The following ABCA2 variants were observed in gnomAD, a reference collection of about 807,000 sequenced individuals.
ABCA2 encodes ATP binding cassette subfamily A member 2.
Under a neutral mutation model 262.8 loss-of-function variants are expected in ABCA2, and 84 were observed. That is an observed-to-expected ratio of 0.32 (90% CI 0.27 to 0.38). The LOEUF (loss-of-function observed/expected upper bound fraction) is 0.38. ABCA2 is among the 10% of genes least tolerant of loss of function. The probability of loss-of-function intolerance (pLI) is 1.00; values close to 1 mark genes in which losing one functional copy is unlikely to be tolerated. For synonymous variants in ABCA2, 1,696 were observed against 1,502.9 expected, an observed-to-expected ratio of 1.13 and a Z score of -2.97; for missense variants, 2,662 against 3,405.9, an observed-to-expected ratio of 0.78 and a Z score of 5.44.
Position 137,008,622 on chromosome 9 carries a change from C to G in ABCA2, c.7069G>C (p.Val2357Leu). ...TGCTTCTTGGCAAAGTTCACGAACA[C>G]CTGGTGGGTGGCGCAGGCGTGTGGG... is the stretch of plus-strand genomic sequence containing the variant. ...YSVSQTTLDN[V>L]FVNFAKKQSD... is the part of the protein sequence containing the mutation. Residue 2357 changes from valine (V) to leucine (L), a missense_variant and splice_region_variant, in exon 48 of 49, where the codon GTG becomes CTG. Coordinates refer to ENST00000341511, the MANE Select transcript of ABCA2 (RefSeq NM_001606.5). 2.5e-6 allele frequency: 4 copies of G among 1,599,368 alleles called. No homozygotes were observed. The highest frequency in any genetic ancestry group is 3.4e-6 in the Non-Finnish European group (4 of 1,173,686).
rs541088183 is a variant in ABCA2 at position 137,009,425 on chromosome 9, T to C, written c.6772A>G (p.Ile2258Val). Residue 2258 changes from isoleucine to valine, a missense_variant, in exon 45 of 49, where the codon ATC becomes GTC. Physicochemically the swap from Ile to Val is conservative, Grantham distance 29. This residue lies in a region of ABCA2 where 602 missense variants were observed against 897.4 expected (regional missense o/e 0.67). Coordinates refer to ENST00000341511, the MANE Select transcript of ABCA2 (RefSeq NM_001606.5). ...ECEALCTRLA[I>V]MVNGRLRCLG... ...CACCGCAGGCGACCGTTCACCATGA[T>C]GGCCAGCCGCGTGCACAGCGCCTCG... 1.7e-5 allele frequency: 27 copies of C among 1,598,526 alleles called. 1 individual carries two copies. The South Asian group carries it at 2.9e-4, about 17-fold the overall frequency.
In ABCA2 at chr9:137,011,479, A is replaced by T. The variant is rs765456150; in HGVS notation, c.5727T>A (p.Ile1909=). The T allele has an allele frequency of 1.6e-5, 25 of 1,609,524 alleles. No individual in the cohort carries two copies. The highest frequency in any genetic ancestry group is 2.0e-5 in the Non-Finnish European group (24 of 1,178,436). The stretch of plus-strand genomic sequence containing the variant: ...TGATGCCGATGAAGAGATTGATGAC[A>T]ATGAGGAACACGTAGGCGGAGCTGG... The part of the protein sequence containing the change: ...EVPSSAYVFL[I]VINLFIGITA... Residue 1909 remains isoleucine, a synonymous_variant, in exon 37 of 49, where the codon ATT becomes ATA. Coordinates refer to ENST00000341511, the MANE Select transcript of ABCA2 (RefSeq NM_001606.5). The surrounding 1 kb of genome is among the most constrained non-coding windows in gnomAD (Gnocchi z 8.8).
At position 137,008,036 on chromosome 9, in the gene ABCA2, T is replaced by A. The variant is rs982558019; in HGVS notation, c.7276-72A>T. ...CTGCTGGGGCTGAGGACACTTGTGC[T>A]GGCCCGCCCCGGCCCTCCTGCAGGC... On this transcript the variant is annotated intron_variant, in intron 48 of 48. Coordinates refer to ENST00000341511, the MANE Select transcript of ABCA2 (RefSeq NM_001606.5). 26 of 1,552,212 alleles carry A rather than the reference T, an allele frequency of 1.7e-5. No individual in the cohort carries two copies. The Admixed American group carries it at 2.5e-4, about 15-fold the overall frequency.
Position 137,016,996 on chromosome 9 carries a change from G to A in ABCA2, c.2682C>T (p.Leu894=). Reference sequence around the variant, plus strand: ...CCACCATCAGCATGGTGACAGCCAGGAGCAAGTTGAAGTCGTCCCCCTCCA... The same window carrying A: ...CCACCATCAGCATGGTGACAGCCAGAAGCAAGTTGAAGTCGTCCCCCTCCA... The part of the protein sequence containing the change: ...SPVEGDDFNL[L]LAVTMLMVDA... The change falls in exon 19 of 49, where the codon CTC becomes CTT. Residue 894 remains leucine (L), a synonymous_variant. Coordinates refer to ENST00000341511, the MANE Select transcript of ABCA2 (RefSeq NM_001606.5). The A allele has an allele frequency of 1.2e-6, 2 of 1,612,802 alleles. No homozygotes were observed. The highest frequency in any genetic ancestry group is 1.7e-6 in the Non-Finnish European group (2 of 1,179,998).
At chr9:137,022,254 G>C in intron 6 of ABCA2, 97 bp downstream of exon 6, 1 of 1,458,476 alleles carries the variant, frequency 6.9e-7, no homozygotes. Context: ...CGGTCTGGGC[G>C]TGACTCAGGC....
chr9:137,008,900 G>GCCCCCCCCCCCCCCGGGCGGCC, intron 46 of ABCA2, 32 bp from the exon 47 acceptor site: 1 of 1,535,934 alleles, frequency 6.5e-7, no homozygotes, highest in East Asian at 2.4e-5. Context: ...GCCTGGCAGC[G>GCCCCCCCCCCCCCCGGGCGGCC]CCCCCCCACC....
rs2131440427 is a variant in ABCA2, at chr9:137,013,451, G to A, written c.4550+10C>T. On this transcript the variant is annotated intron_variant, in intron 29 of 48. Transcript: ENST00000341511. Reference sequence around the variant, plus strand: ...CCACCCACCAAGGCTGCCCCCGCTGGAGGCCTCACCGGTACTCGCGGCGCT... The same window carrying A: ...CCACCCACCAAGGCTGCCCCCGCTGAAGGCCTCACCGGTACTCGCGGCGCT... The A allele has an allele frequency of 2.5e-6, 4 of 1,599,464 alleles. No individual in the cohort carries two copies. Among genetic ancestry groups the A allele is most frequent in the Admixed American group, 1.7e-5 (1 of 57,148 alleles).
At chr9:137,013,768 TCAGGGCTCC>T (rs1241587390) in intron 28 of ABCA2, 55 bp downstream of exon 28, 1 of 1,528,192 alleles carries the variant, frequency 6.5e-7, no homozygotes, top group Non-Finnish European at 8.9e-7. Flanking sequence ...GTGGGCATCA[TCAGGGCTCC>T]CAGCGGGCGG....
Position 137,018,740 on chromosome 9 carries a change from C to G in ABCA2, c.1798G>C (p.Asp600His). 1.9e-6 allele frequency: 3 copies of G among 1,611,658 alleles called. No homozygotes were observed. The highest frequency in any genetic ancestry group is 3.3e-5 in the Admixed American group (2 of 59,962). The change falls in exon 13 of 49, where the codon GAC becomes CAC. Residue 600 changes from aspartate (D) to histidine (H), a missense_variant. Coordinates refer to ENST00000341511, the MANE Select transcript of ABCA2 (RefSeq NM_001606.5). ...TCACTGGCAAAAACAGTGACGTTGT[C>G]CTGGTAGGCCTGGTTGAGGGTGTAG... ...VNYTLNQAYQ[D>H]NVTVFASVIF...
chr9:137,011,378 C>T lies in ABCA2; in HGVS notation c.5799+29G>A, dbSNP rs772080579. 3.4e-5 allele frequency: 54 copies of T among 1,607,586 alleles called. No individual in the cohort carries two copies. Among genetic ancestry groups the T allele is most frequent in the Admixed American group, 5.0e-5 (3 of 59,618 alleles). ...AGGGGCACAGCCTCCGCAGGGTCCGCCACCCCCACCATGTCGTCACCGCCC... is the reference window on the plus strand; with the variant it reads ...AGGGGCACAGCCTCCGCAGGGTCCGTCACCCCCACCATGTCGTCACCGCCC... On this transcript the variant is annotated intron_variant, in intron 37 of 48. Transcript: ENST00000341511. This position sits in a 1 kb window ranked among gnomAD's most constrained non-coding sequence, Gnocchi z 8.8.
intron 26 of ABCA2, 63 bp from the exon 27 acceptor site, chr9:137,014,467 C>A: frequency 6.6e-7 from 1 of 1,510,642 alleles, no homozygotes; most frequent in East Asian, 2.5e-5. Context: ...TGCCCAGGAC[C>A]CCCATCCCCG....
chr9:137,022,502 T>C, intron 5 of ABCA2, 24 bp from the exon 6 acceptor site: 1 of 1,606,800 alleles, frequency 6.2e-7, no homozygotes, highest in Non-Finnish European at 8.5e-7. Flanking sequence ...AAGGCGAGGC[T>C]GAGAGGCCGC....
intron 1 of ABCA2, among the ~76,000 whole-genome samples, chr9:137,025,911 C>G (rs1276221500): frequency 6.6e-6 from 1 of 152,204 alleles, no homozygotes; most frequent in Non-Finnish European, 1.5e-5. Flanking sequence ...CTAGCACGCC[C>G]TGGGTGCCCC....
At chr9:137,014,548 C>T (rs1159497476) in intron 26 of ABCA2, 142 bp downstream of exon 26, 6 of 1,465,142 alleles carry the variant, frequency 4.1e-6, no homozygotes, top group Non-Finnish European at 5.5e-6. Flanking sequence ...CCACCTAGGA[C>T]CGCAGGCTAA....
intron 10 of ABCA2, 169 bp downstream of exon 10, chr9:137,020,167 A>C: frequency 3.8e-6 from 3 of 795,610 alleles, no homozygotes; most frequent in Non-Finnish European, 5.7e-6. Flanking sequence ...TCCCGAAAGG[A>C]AAAGCGACCC....
intron 1 of ABCA2, among the ~76,000 whole-genome samples, chr9:137,026,457 C>G (rs1219130215): frequency 6.6e-6 from 1 of 152,190 alleles, no homozygotes; most frequent in African/African-American, 2.4e-5. Context: ...CAGCCCCAGC[C>G]CCACATCACA....
intron 25 of ABCA2, 42 bp downstream of exon 25, chr9:137,014,871 T>C (rs1831199769): frequency 6.3e-7 from 1 of 1,577,038 alleles, no homozygotes; most frequent in South Asian, 1.1e-5. Flanking sequence ...TGCGCCCACC[T>C]CCACCACCTG....
In ABCA2 at chr9:137,008,823, T is replaced by G. The variant is rs1453210626; in HGVS notation, c.6976A>C (p.Ile2326Leu). Residue 2326 changes from isoleucine (I) to leucine (L), a missense_variant, in exon 47 of 49, where the codon ATC becomes CTC. By Grantham distance (5) the Ile-to-Leu change is conservative (BLOSUM62 2). This residue lies in a region of ABCA2 where 212 missense variants were observed against 214.4 expected (regional missense o/e 0.99). Transcript: ENST00000341511. ...TTGCTGAACACCTGGGCCAGCGAGA[T>G]GTGCTCCGACTTGAGCTGGTACTGC... ...KVQYQLKSEH[I>L]SLAQVFSKME... The G allele has an allele frequency of 6.2e-7, 1 of 1,605,706 alleles. No individual in the cohort carries two copies. Among genetic ancestry groups the G allele is most frequent in the Non-Finnish European group, 8.5e-7 (1 of 1,179,486 alleles).
rs1363872353 is a variant in ABCA2 at position 137,007,547 on chromosome 9, C to T, written c.*382G>A. On this transcript the variant is annotated 3_prime_UTR_variant, in exon 49 of 49. Transcript: ENST00000341511. ...CCCACAGCCCGCTCTCGGCATCAGC[C>T]TTCATCGTAAGAGAGAAAAGCTGGT... The T allele has an allele frequency of 3.2e-6, 1 of 317,124 alleles. No homozygotes were observed. The allele number at this position is 317,124 out of a possible 1,614,324, so 19.6% of individuals were successfully genotyped here. A position where few individuals can be genotyped will look rare whatever the true frequency, so the allele number is the denominator to read the frequency against.
Sources: gnomAD v4.1 joint callset for allele counts (sites outside exome capture counted in the v4.1 genomes callset) on GRCh38, gnomAD v4.1.1 for gene constraint, gnomAD v4.1.1 regional missense constraint, Gnocchi (gnomAD v3.1) non-coding constraint, MANE v1.5 for transcripts, NCBI Gene and HGNC (gene_info 2026-07-23, HGNC 2026-07-21) for gene names.